The following ASTN2 variants were observed in gnomAD, a reference collection of about 807,000 sequenced individuals.
The protein encoded by ASTN2 is astrotactin-2.
ASTN2 carries 54 observed loss-of-function variants against 139.8 expected under a neutral mutation model. The observed-to-expected ratio is 0.39, with a 90% CI of 0.31 to 0.48. The LOEUF (loss-of-function observed/expected upper bound fraction) is 0.48. Among genes scored for constraint, ASTN2 ranks in the 20% least tolerant of loss-of-function variants. ASTN2 has a pLI of 0.95. For synonymous variants in ASTN2, 756 were observed against 719.5 expected, an observed-to-expected ratio of 1.05 and a Z score of -0.81; for missense variants, 1,565 against 1,725.1, an observed-to-expected ratio of 0.91 and a Z score of 1.64.
At position 116,717,116 on chromosome 9, in the gene ASTN2, C is replaced by T. The variant is rs1213268685; in HGVS notation, c.2806+8655G>A. Among the ~76,000 whole-genome samples, 11 of 152,308 alleles carry T rather than the reference C, an allele frequency of 7.2e-5. 1 individual carries two copies. In the Middle Eastern group the frequency reaches 0.024, roughly 330 times the overall value. The stretch of plus-strand genomic sequence containing the variant: ...TTCCTCAAGCATGAAATGCAGATAA[C>T]AATGCTTGACTTACAGACTTTTTGT... On this transcript the variant is annotated intron_variant, in intron 16 of 22. Transcript: ENST00000313400.
At chr9:117,023,803 T>C (rs994590799) in intron 6 of ASTN2, among the ~76,000 whole-genome samples, 2 of 152,178 alleles carry the variant, frequency 1.3e-5, no homozygotes, top group South Asian at 2.1e-4. Context: ...TCTAATATTA[T>C]ATGGATTTGC....
chr9:116,885,791 C>G (rs1833580907), intron 10 of ASTN2, among the ~76,000 whole-genome samples: 1 of 152,190 alleles, frequency 6.6e-6, no homozygotes, highest in East Asian at 1.9e-4. Flanking sequence ...GCCCATATTA[C>G]TTCTCTTTTC....
chr9:116,516,098 T>A (rs982314084), intron 19 of ASTN2, among the ~76,000 whole-genome samples: 2 of 152,202 alleles, frequency 1.3e-5, no homozygotes, highest in African/African-American at 4.8e-5. Context: ...AAATACGATT[T>A]CTTGAACAGG....
At chr9:116,670,660 C>T (rs1859142642) in intron 16 of ASTN2, among the ~76,000 whole-genome samples, 2 of 152,096 alleles carry the variant, frequency 1.3e-5, no homozygotes, top group African/African-American at 4.8e-5. Flanking sequence ...AAGAGGAAAG[C>T]TGGCTGAAAT....
At chr9:117,246,086 G>C (rs1305107306) in intron 2 of ASTN2, among the ~76,000 whole-genome samples, 1 of 152,004 alleles carries the variant, frequency 6.6e-6, no homozygotes, top group African/African-American at 2.4e-5. Flanking sequence ...GTTTTCTAAA[G>C]CCTTGTTCTC....
chr9:117,333,719 G>A (rs1409614211), intron 1 of ASTN2, among the ~76,000 whole-genome samples: 2 of 152,156 alleles, frequency 1.3e-5, no homozygotes, highest in Non-Finnish European at 2.9e-5. Flanking sequence ...GGCCAGGCTG[G>A]TTTCGAACTC....
At chr9:117,299,308 C>G (rs1356606821) in intron 1 of ASTN2, among the ~76,000 whole-genome samples, 3 of 152,164 alleles carry the variant, frequency 2.0e-5, no homozygotes, top group South Asian at 2.1e-4. Context: ...TTTAGTCAAC[C>G]AACCTCTTCT....
intron 2 of ASTN2, among the ~76,000 whole-genome samples, chr9:117,229,033 A>T (rs975752695): frequency 6.6e-6 from 1 of 150,606 alleles, no homozygotes; most frequent in Non-Finnish European, 1.5e-5. Flanking sequence ...AACAAACAAA[A>T]AAAACCATGA....
At chr9:116,929,137 G>C (rs960875958) in intron 10 of ASTN2, among the ~76,000 whole-genome samples, 1 of 152,172 alleles carries the variant, frequency 6.6e-6, no homozygotes, top group Non-Finnish European at 1.5e-5. Flanking sequence ...TGCTTGTTTA[G>C]GGGAAACAAG....
chr9:116,698,205 C>T lies in ASTN2; in HGVS notation c.2806+27566G>A, dbSNP rs374055553. ...TCGGGACTTTGGAGAGAAGTTAACT[C>T]GTCTGCGGGAACTTATGGGGGAGCT... On this transcript the variant is annotated intron_variant, in intron 16 of 22. Transcript: ENST00000313400. The surrounding 1 kb of genome is among the most constrained non-coding windows in gnomAD (Gnocchi z 4.4). 1.9e-6 allele frequency: 3 copies of T among 1,614,002 alleles called. No homozygotes were observed. Among genetic ancestry groups the T allele is most frequent in the African/African-American group, 1.3e-5 (1 of 74,918 alleles).
chr9:116,658,282 A>G (rs532209190), intron 16 of ASTN2, among the ~76,000 whole-genome samples: 12 of 152,154 alleles, frequency 7.9e-5, no homozygotes, highest in Non-Finnish European at 1.5e-4. Context: ...ACTAGGTCCT[A>G]TCTTCACCTG....
chr9:116,731,178 GTAATAATAATAATAATAATAATAA>G (rs68099311), intron 14 of ASTN2, among the ~76,000 whole-genome samples: 4 of 140,200 alleles, frequency 2.9e-5, no homozygotes, highest in South Asian at 2.4e-4. Context: ...ATTTTTCCTG[GTAATAATAATAATAATAATAATAA>G]TAATAATAAT....
At chr9:116,652,831 T>C (rs58421937) in intron 16 of ASTN2, among the ~76,000 whole-genome samples, 4,482 of 152,268 alleles carry the variant, frequency 0.029, 203 homozygotes, top group African/African-American at 0.1. Flanking sequence ...ATCTGACTTA[T>C]GCATGCTTCA....
chr9:116,471,994 G>A (rs767269904), intron 20 of ASTN2, among the ~76,000 whole-genome samples: 6 of 152,038 alleles, frequency 3.9e-5, no homozygotes, highest in African/African-American at 9.7e-5. Context: ...GACCTCCATC[G>A]TCTGTCTCCT....
At chr9:117,257,030 T>C (rs1195187339) in intron 2 of ASTN2, among the ~76,000 whole-genome samples, 1 of 152,174 alleles carries the variant, frequency 6.6e-6, no homozygotes, top group Non-Finnish European at 1.5e-5. Flanking sequence ...TGAAATATTT[T>C]TGTAGCACAA....
At chr9:116,735,558 A>C (rs1461080050) in intron 13 of ASTN2, among the ~76,000 whole-genome samples, 3 of 152,196 alleles carry the variant, frequency 2.0e-5, no homozygotes, top group African/African-American at 7.2e-5. Context: ...TGCTAAGAAC[A>C]CAGAGACAGA....
chr9:116,796,462 G>T (rs1830691702), intron 13 of ASTN2, among the ~76,000 whole-genome samples: 1 of 152,184 alleles, frequency 6.6e-6, no homozygotes, highest in Admixed American at 6.5e-5. Flanking sequence ...CATAGGAGTT[G>T]AGTAGCAAAA....
At position 116,698,910 on chromosome 9, in the gene ASTN2, C is replaced by G; in HGVS notation, c.2806+26861G>C. Reference sequence around the variant, plus strand: ...TCAAGGTGAAGTACTAGTCGCTGACCGTGGTAACTATCGTATACAAGTCTT... The same window carrying G: ...TCAAGGTGAAGTACTAGTCGCTGACGGTGGTAACTATCGTATACAAGTCTT... On this transcript the variant is annotated intron_variant, in intron 16 of 22. Transcript: ENST00000313400. The surrounding 1 kb of genome is among the most constrained non-coding windows in gnomAD (Gnocchi z 4.4). 1.9e-6 allele frequency: 3 copies of G among 1,614,202 alleles called. No homozygotes were observed. The highest frequency in any genetic ancestry group is 1.1e-5 in the South Asian group (1 of 91,074).
chr9:116,705,682 T>C (rs1196672539), intron 16 of ASTN2, among the ~76,000 whole-genome samples: 1 of 150,558 alleles, frequency 6.6e-6, no homozygotes, highest in African/African-American at 2.4e-5. Flanking sequence ...TCATGAATTT[T>C]GTAGTCAAGT....
Sources: allele counts gnomAD v4.1 joint callset (sites outside exome capture counted in the v4.1 genomes callset), GRCh38; gene constraint gnomAD v4.1.1; non-coding constraint Gnocchi (gnomAD v3.1); transcripts MANE v1.5; gene names NCBI Gene and HGNC (gene_info 2026-07-23, HGNC 2026-07-21).